The following ADAMTS6 variants were observed in gnomAD, a reference collection of about 807,000 sequenced individuals.
ADAMTS6 encodes the protein A disintegrin and metalloproteinase with thrombospondin motifs 6.
Under a neutral mutation model 144.3 loss-of-function variants are expected in ADAMTS6, and 23 were observed. The observed-to-expected ratio is 0.16, with a 90% CI of 0.11 to 0.23. The LOEUF (loss-of-function observed/expected upper bound fraction) is 0.23. Among genes scored for constraint, ADAMTS6 ranks in the 10% least tolerant of loss-of-function variants. The probability of loss-of-function intolerance (pLI) is 1.00; values close to 1 mark genes in which losing one functional copy is unlikely to be tolerated. For synonymous variants in ADAMTS6, 444 were observed against 457.5 expected, an observed-to-expected ratio of 0.97 and a Z score of 0.38; for missense variants, 999 against 1,379.6, an observed-to-expected ratio of 0.72 and a Z score of 4.37.
chr5:65,303,192 T>C (rs2112811415), intron 9 of ADAMTS6, among the ~76,000 whole-genome samples: 1 of 152,274 alleles, frequency 6.6e-6, no homozygotes, highest in East Asian at 1.9e-4. Context: ...GTTAAAACTA[T>C]TCTTTGATGA....
At chr5:65,391,230 G>C (rs1455780272) in intron 7 of ADAMTS6, among the ~76,000 whole-genome samples, 3 of 151,848 alleles carry the variant, frequency 2.0e-5, no homozygotes, top group Non-Finnish European at 4.4e-5. Context: ...TTGTTTGTTT[G>C]TTTAATTTCA....
At chr5:65,273,281 T>C in intron 12 of ADAMTS6, 59 bp downstream of exon 12, 2 of 1,423,556 alleles carry the variant, frequency 1.4e-6, no homozygotes, top group Middle Eastern at 1.8e-4. Flanking sequence ...TGAATATCAG[T>C]ACCAGCAATT....
intron 9 of ADAMTS6, among the ~76,000 whole-genome samples, chr5:65,318,750 TG>T (rs1745257822): frequency 6.7e-6 from 1 of 149,800 alleles, no homozygotes; most frequent in Non-Finnish European, 1.5e-5. Flanking sequence ...TTGGGGAGGG[TG>T]GGGGATGCGG....
chr5:65,187,225 A>G (rs573333368), intron 22 of ADAMTS6, among the ~76,000 whole-genome samples: 9 of 152,336 alleles, frequency 5.9e-5, no homozygotes, highest in Non-Finnish European at 1.0e-4. Flanking sequence ...GTGGAAAATT[A>G]TATAGTATGC....
intron 2 of ADAMTS6, among the ~76,000 whole-genome samples, chr5:65,473,008 C>T (rs1250182313): frequency 6.6e-6 from 1 of 152,078 alleles, no homozygotes; most frequent in Non-Finnish European, 1.5e-5. Flanking sequence ...ACATTTACTC[C>T]TGGGCCTGCT....
chr5:65,393,476 C>T (rs1580586689), intron 7 of ADAMTS6, among the ~76,000 whole-genome samples: 1 of 152,304 alleles, frequency 6.6e-6, no homozygotes, highest in Non-Finnish European at 1.5e-5. Flanking sequence ...GAATTATCAT[C>T]TGAAAACTTG....
chr5:65,370,126 G>C (rs1234964477), intron 7 of ADAMTS6, among the ~76,000 whole-genome samples: 2 of 152,082 alleles, frequency 1.3e-5, no homozygotes, highest in Non-Finnish European at 2.9e-5. Context: ...AGAAATAAAA[G>C]CGGCCAGGCA....
chr5:65,184,418 C>T (rs911189956), intron 22 of ADAMTS6, among the ~76,000 whole-genome samples: 1 of 152,156 alleles, frequency 6.6e-6, no homozygotes, highest in African/African-American at 2.4e-5. Context: ...AAAACACAGT[C>T]CCTTGTAGGT....
At chr5:65,274,580 C>T (rs182708676) in intron 11 of ADAMTS6, among the ~76,000 whole-genome samples, 103 of 152,210 alleles carry the variant, frequency 6.8e-4, no homozygotes, top group East Asian at 5.4e-3. Context: ...AATGGAAGTG[C>T]CCCACAGAGT....
At chr5:65,384,939 A>T (rs180931369) in intron 7 of ADAMTS6, among the ~76,000 whole-genome samples, 1 of 152,332 alleles carries the variant, frequency 6.6e-6, no homozygotes, top group East Asian at 1.9e-4. Flanking sequence ...GTGTCTGATA[A>T]GGGTTTTCTG....
chr5:65,344,102 G>C (rs1748101762), intron 7 of ADAMTS6, among the ~76,000 whole-genome samples: 1 of 151,858 alleles, frequency 6.6e-6, no homozygotes, highest in African/African-American at 2.4e-5. Flanking sequence ...CATAGAGATA[G>C]CCAGAAATGT....
At chr5:65,229,803 T>C (rs1393700498) in intron 15 of ADAMTS6, among the ~76,000 whole-genome samples, 1 of 152,102 alleles carries the variant, frequency 6.6e-6, no homozygotes, top group Non-Finnish European at 1.5e-5. Flanking sequence ...TTTCACATTA[T>C]AGGAATCTTA....
Position 65,418,225 on chromosome 5 carries a change from A to G in ADAMTS6, c.1073+33250T>C, listed in dbSNP as rs10069509. 1.8e-3 allele frequency among the ~76,000 whole-genome samples: 274 copies of G among 152,332 alleles called. 2 individuals carry two copies. Among genetic ancestry groups the G allele is most frequent in the African/African-American group, 6.4e-3 (267 of 41,584 alleles). On this transcript the variant is annotated intron_variant, in intron 7 of 24. Coordinates refer to ENST00000381055, the MANE Select transcript of ADAMTS6 (RefSeq NM_197941.4). ...ATATATAAAAATTAACTCAAGATGG[A>G]TTAAAATTTTAAATGTAAGACCTCA...
intron 1 of ADAMTS6, among the ~76,000 whole-genome samples, chr5:65,476,529 C>T (rs1034926963): frequency 1.3e-5 from 2 of 152,182 alleles, no homozygotes; most frequent in Non-Finnish European, 2.9e-5. Context: ...AGTCTAAATT[C>T]TTTGTATTAT....
At position 65,151,848 on chromosome 5, in the gene ADAMTS6, G is replaced by A; in HGVS notation, c.3342C>T (p.Cys1114=). ...GGCTTTCTGTGGGTCAGTGTCCTTG[G>A]CAGGTCTTACAACACATCTGTCTGA... The part of the protein sequence containing the change: ...AYFRQMCCKT[C]QGH The change falls in exon 25 of 25, where the codon TGC becomes TGT. Residue 1114 remains cysteine (C), a synonymous_variant. Coordinates refer to ENST00000381055, the MANE Select transcript of ADAMTS6 (RefSeq NM_197941.4). The A allele has an allele frequency of 2.5e-6, 4 of 1,612,220 alleles. No individual in the cohort carries two copies. The highest frequency in any genetic ancestry group is 3.4e-6 in the Non-Finnish European group (4 of 1,178,478).
intron 18 of ADAMTS6, among the ~76,000 whole-genome samples, chr5:65,222,904 C>T (rs62369573): frequency 0.032 from 4,906 of 151,254 alleles, 114 homozygotes; most frequent in Non-Finnish European, 0.053. Flanking sequence ...AAAATGAAGA[C>T]GCAAGCAGAA....
At chr5:65,347,020 C>T (rs531826284) in intron 7 of ADAMTS6, among the ~76,000 whole-genome samples, 22 of 149,476 alleles carry the variant, frequency 1.5e-4, no homozygotes, top group South Asian at 4.2e-4. Flanking sequence ...GAAAACTATA[C>T]GACATTGATT....
At chr5:65,452,297 A>G in intron 5 of ADAMTS6, 81 bp from the exon 6 acceptor site, 3 of 1,215,118 alleles carry the variant, frequency 2.5e-6, no homozygotes, top group South Asian at 1.3e-5. Flanking sequence ...GTGCTAAAAC[A>G]ATTTTTTATA....
chr5:65,254,222 T>C (rs1445121867), intron 14 of ADAMTS6, among the ~76,000 whole-genome samples: 1 of 152,128 alleles, frequency 6.6e-6, no homozygotes, highest in African/African-American at 2.4e-5. Context: ...TAATAGAAGC[T>C]GTTAGAATAG....
Sources: allele counts gnomAD v4.1 joint callset (sites outside exome capture counted in the v4.1 genomes callset), GRCh38; gene constraint gnomAD v4.1.1; transcripts MANE v1.5; gene names NCBI Gene and HGNC (gene_info 2026-07-23, HGNC 2026-07-21).